Variants in TEAD1 observed in about 807,000 individuals in gnomAD.
TEAD1 encodes transcriptional enhancer factor TEF-1.
A neutral mutation model predicts 54.9 loss-of-function variants in TEAD1; 9 were observed. The observed-to-expected ratio is 0.16, with a 90% confidence interval of 0.10 to 0.29. The LOEUF (loss-of-function observed/expected upper bound fraction) is 0.29, where lower values mean the gene tolerates loss of function less well. TEAD1 is among the 10% of genes least tolerant of loss of function. The pLI, the probability that TEAD1 is intolerant of heterozygous loss-of-function variation, is 1.00. For synonymous variants in TEAD1, 200 were observed against 187.8 expected (o/e 1.07, Z -0.53); for missense variants, 387 against 535.9 (o/e 0.72, Z 2.74).
rs570998812 is a variant in TEAD1, at chr11:12,887,994, AT to A, written c.699+4874del. Among the ~76,000 whole-genome samples, 549 of 152,336 alleles carry A rather than the reference AT, an allele frequency of 3.6e-3. 3 individuals carry two copies. The highest frequency in any genetic ancestry group is 0.013 in the African/African-American group (527 of 41,568). ...CATTAGACCCAAGGGGTTATAAAATATTTTTAGTAGAGAAGAGAACTTATAG... is the reference window on the plus strand; with the variant it reads ...CATTAGACCCAAGGGGTTATAAAATATTTTAGTAGAGAAGAGAACTTATAG... On this transcript the variant is annotated intron_variant, in intron 9 of 12. Coordinates refer to ENST00000527636, the MANE Select transcript of TEAD1 (RefSeq NM_021961.6).
intron 2 of TEAD1, among the ~76,000 whole-genome samples, chr11:12,753,800 G>T (rs546873795): frequency 6.6e-6 from 1 of 152,122 alleles, no homozygotes; most frequent in African/African-American, 2.4e-5. Flanking sequence ...TTCCTTTAAA[G>T]TATCCTCGAC....
intron 3 of TEAD1, 96 bp from the exon 4 acceptor site, chr11:12,862,154 A>C: frequency 1.0e-6 from 1 of 956,270 alleles, no homozygotes; most frequent in East Asian, 2.6e-5. Flanking sequence ...TGTAATTTTA[A>C]AATTCTTGAT....
chr11:12,917,673 G>T (rs1397494817), intron 10 of TEAD1, among the ~76,000 whole-genome samples: 1 of 152,194 alleles, frequency 6.6e-6, no homozygotes, highest in African/African-American at 2.4e-5. Context: ...AGGCAGTGCA[G>T]GTCAGGATGC....
intron 9 of TEAD1, among the ~76,000 whole-genome samples, chr11:12,887,089 T>A (rs1439278876): frequency 9.3e-5 from 1 of 10,798 alleles, no homozygotes; most frequent in Non-Finnish European, 2.2e-4. Context: ...TTGTTTTTTT[T>A]TTTGTTTGTT....
At chr11:12,756,496 A>G (rs543866116) in intron 2 of TEAD1, among the ~76,000 whole-genome samples, 1 of 152,324 alleles carries the variant, frequency 6.6e-6, no homozygotes, top group Admixed American at 6.5e-5. Flanking sequence ...AAATAATAAC[A>G]CAACCCACTT....
chr11:12,942,463 TTTGTGTGTGCTGA>T lies in TEAD1; in HGVS notation c.*5243_*5255del, dbSNP rs753971532. ...CGGAAGGACCCCAGAAACTGTTGTGTTTGTGTGTGCTGATGACCTAGTGTGTCATTTCACCTCG... is the reference window on the plus strand; with the variant it reads ...CGGAAGGACCCCAGAAACTGTTGTGTTGACCTAGTGTGTCATTTCACCTCG... On this transcript the variant is annotated 3_prime_UTR_variant, in exon 13 of 13. Coordinates refer to ENST00000527636, the MANE Select transcript of TEAD1 (RefSeq NM_021961.6). 7.2e-5 allele frequency: 11 copies of T among 152,162 alleles called. No individual in the cohort carries two copies. The highest frequency in any genetic ancestry group is 1.3e-4 in the Non-Finnish European group (9 of 68,034). The allele number at this position is 152,162 out of a possible 1,614,324, so 9.4% of individuals were successfully genotyped here. A position where few individuals can be genotyped will look rare whatever the true frequency, so the allele number is the denominator to read the frequency against.
At chr11:12,729,414 C>T (rs770736871) in intron 2 of TEAD1, among the ~76,000 whole-genome samples, 10 of 152,184 alleles carry the variant, frequency 6.6e-5, no homozygotes, top group Non-Finnish European at 1.3e-4. Context: ...CCAGGCAATG[C>T]CATGCTGGTC....
At chr11:12,839,747 A>G (rs1388451796) in intron 3 of TEAD1, among the ~76,000 whole-genome samples, 1 of 152,194 alleles carries the variant, frequency 6.6e-6, no homozygotes, top group African/African-American at 2.4e-5. Flanking sequence ...TTTCAGTTGG[A>G]TATTAAAAGA....
chr11:12,930,138 A>C (rs572117968), intron 11 of TEAD1, 36 bp from the exon 12 acceptor site: 47 of 1,613,908 alleles, frequency 2.9e-5, no homozygotes, highest in Non-Finnish European at 3.9e-5. Flanking sequence ...TTGGAGTCAA[A>C]AGTGTAAAAA....
In TEAD1 at chr11:12,941,678, T is replaced by C. The variant is rs531832691; in HGVS notation, c.*4456T>C. ...TGTCTGCATTGCTTATTTCTTTATGTTGGTGTTTCTGTGGCAAAGCCCTGC... is the reference window on the plus strand; with the variant it reads ...TGTCTGCATTGCTTATTTCTTTATGCTGGTGTTTCTGTGGCAAAGCCCTGC... On this transcript the variant is annotated 3_prime_UTR_variant, in exon 13 of 13. Transcript: ENST00000527636. 1 of 152,780 alleles carries C rather than the reference T, an allele frequency of 6.5e-6. No homozygotes were observed. Among genetic ancestry groups the C allele is most frequent in the East Asian group, 1.9e-4 (1 of 5,188 alleles). The allele number at this position is 152,780 out of a possible 1,614,324, so 9.5% of individuals were successfully genotyped here. A position where few individuals can be genotyped will look rare whatever the true frequency, so the allele number is the denominator to read the frequency against.
chr11:12,925,610 T>C (rs1174860178), intron 11 of TEAD1, among the ~76,000 whole-genome samples: 2 of 152,208 alleles, frequency 1.3e-5, no homozygotes, highest in Non-Finnish European at 2.9e-5. Flanking sequence ...GCAAATAGGA[T>C]GTCCCGTGCC....
chr11:12,811,115 G>A (rs1285662187), intron 3 of TEAD1, among the ~76,000 whole-genome samples: 3 of 152,202 alleles, frequency 2.0e-5, no homozygotes, highest in Non-Finnish European at 2.9e-5. Flanking sequence ...CTATGTCCAC[G>A]GCGATTGATT....
intron 3 of TEAD1, chr11:12,850,958 C>A: frequency 1.8e-6 from 1 of 564,226 alleles, no homozygotes; most frequent in Non-Finnish European, 2.2e-6. Flanking sequence ...AAAAATTGTG[C>A]CACTTCTCAC....
chr11:12,687,201 C>T (rs1943352013), intron 2 of TEAD1, among the ~76,000 whole-genome samples: 1 of 152,160 alleles, frequency 6.6e-6, no homozygotes, highest in East Asian at 1.9e-4. Context: ...GTTTTTTGTG[C>T]TGTGCTTTTG....
chr11:12,879,693 A>G lies in TEAD1; in HGVS notation c.331-15A>G. ...GCGTTATGTATTAAGTTGGTGTGTCACTGTCACCTTCAAGGATCAGACTGC... is the reference window on the plus strand; with the variant it reads ...GCGTTATGTATTAAGTTGGTGTGTCGCTGTCACCTTCAAGGATCAGACTGC... On this transcript the variant is annotated splice_polypyrimidine_tract_variant and intron_variant, in intron 5 of 12. Coordinates refer to ENST00000527636, the MANE Select transcript of TEAD1 (RefSeq NM_021961.6). The G allele has an allele frequency of 6.2e-7, 1 of 1,614,118 alleles. No homozygotes were observed. Among genetic ancestry groups the G allele is most frequent in the South Asian group, 1.1e-5 (1 of 91,092 alleles).
chr11:12,871,389 T>G (rs926029315), intron 5 of TEAD1, among the ~76,000 whole-genome samples: 3 of 152,242 alleles, frequency 2.0e-5, no homozygotes, highest in African/African-American at 7.2e-5. Flanking sequence ...ATTGTTTCAC[T>G]TACCATTAAT....
intron 5 of TEAD1, among the ~76,000 whole-genome samples, chr11:12,877,776 CT>C (rs1947883275): frequency 6.7e-6 from 1 of 149,458 alleles, no homozygotes; most frequent in Non-Finnish European, 1.5e-5. Context: ...CCCACCCTCC[CT>C]TTCTTCCTTC....
At chr11:12,826,568 G>T (rs1946660557) in intron 3 of TEAD1, among the ~76,000 whole-genome samples, 1 of 152,174 alleles carries the variant, frequency 6.6e-6, no homozygotes. Flanking sequence ...CATGGGATTT[G>T]AAATCAACCT....
chr11:12,845,381 CGT>C (rs762845724), intron 3 of TEAD1, among the ~76,000 whole-genome samples: 3 of 152,238 alleles, frequency 2.0e-5, no homozygotes, highest in African/African-American at 7.2e-5. Flanking sequence ...AAAGCACTAT[CGT>C]GTGTGTGTGC....
Sources: gnomAD v4.1 joint callset for allele counts (sites outside exome capture counted in the v4.1 genomes callset) on GRCh38, gnomAD v4.1.1 for gene constraint, MANE v1.5 for transcripts, NCBI Gene and HGNC (gene_info 2026-07-23, HGNC 2026-07-21) for gene names.